The following SUB1 variants were observed in gnomAD, a reference collection of about 807,000 sequenced individuals.
The protein encoded by SUB1 is SUB1 regulator of transcription, also known as activated RNA polymerase II transcriptional coactivator p15.
Under a neutral mutation model 16.9 loss-of-function variants are expected in SUB1, and 1 was observed. The ratio of observed to expected loss-of-function variants is 0.06; its 90% confidence interval spans 0.02 to 0.28. The LOEUF (loss-of-function observed/expected upper bound fraction) is 0.28. SUB1 is among the 10% of genes least tolerant of loss of function. The pLI is 1.00. For synonymous variants in SUB1, 51 were observed against 46.9 expected, an observed-to-expected ratio of 1.09 and a Z score of -0.36; for missense variants, 84 against 145.2, an observed-to-expected ratio of 0.58 and a Z score of 2.16.
In SUB1 at chr5:32,601,355, A is replaced by G. The variant is rs767669622; in HGVS notation, c.*271A>G. ...TTAACTGTTGTGGCCTTTTTTGATC[A>G]TAAGAGTTGGTACTGTTTAAGGCCA... On this transcript the variant is annotated 3_prime_UTR_variant, in exon 5 of 5. Transcript: ENST00000265073. 8.6e-6 allele frequency: 3 copies of G among 350,812 alleles called. No individual in the cohort carries two copies. Among genetic ancestry groups the G allele is most frequent in the Admixed American group, 4.7e-5 (1 of 21,198 alleles). 21.7% of individuals were successfully genotyped at this position (350,812 alleles called of 1,614,324 possible). A position where few individuals can be genotyped will look rare whatever the true frequency, so the allele number is the denominator to read the frequency against.
At chr5:32,595,284 G>A (rs1037833922) in intron 3 of SUB1, 25 of 151,966 alleles carry the variant, frequency 1.6e-4, no homozygotes, top group African/African-American at 6.0e-4. Context: ...AAATGTACAC[G>A]CCTTTGTGGC....
intron 1 of SUB1, among the ~76,000 whole-genome samples, chr5:32,587,581 A>T (rs945074986): frequency 6.6e-5 from 10 of 152,160 alleles, no homozygotes; most frequent in Non-Finnish European, 1.0e-4. Context: ...AAATCTGTGT[A>T]AAATGTAATG....
chr5:32,591,005 G>A (rs1686938607), intron 2 of SUB1, among the ~76,000 whole-genome samples: 1 of 151,906 alleles, frequency 6.6e-6, no homozygotes, highest in Non-Finnish European at 1.5e-5. Context: ...CTGACCTCAA[G>A]TGATCCTCCC....
chr5:32,596,495 T>C (rs1412364239), intron 3 of SUB1: 5 of 152,210 alleles, frequency 3.3e-5, no homozygotes, highest in Non-Finnish European at 7.3e-5. Context: ...TGCCAGTGTT[T>C]TTTCCTAGAA....
Position 32,591,698 on chromosome 5 carries a change from ATTTTTTT to A in SUB1, c.195+27_195+33del, listed in dbSNP as rs567336710. ...TAACATGTTTCAGGTAAAGTTGGCT[ATTTTTTT>A]TTTTTTTTTTTTTGACATGGAGTCA... is the stretch of plus-strand genomic sequence containing the variant. On this transcript the variant is annotated intron_variant, in intron 3 of 4. Coordinates refer to ENST00000265073, the MANE Select transcript of SUB1 (RefSeq NM_006713.4). The A allele has an allele frequency of 1.6e-4, 228 of 1,384,582 alleles. No homozygotes were observed. Among genetic ancestry groups the A allele is most frequent in the Non-Finnish European group, 1.9e-4 (203 of 1,067,080 alleles). The allele number at this position is 1,384,582 out of a possible 1,614,324, so 85.8% of individuals were successfully genotyped here. A position where few individuals can be genotyped will look rare whatever the true frequency, so the allele number is the denominator to read the frequency against.
chr5:32,591,828 T>G, intron 3 of SUB1, 143 bp downstream of exon 3: 3 of 995,186 alleles, frequency 3.0e-6, no homozygotes, highest in Non-Finnish European at 4.1e-6. Context: ...GCCTCCCGAG[T>G]AGCTAGGATT....
chr5:32,596,804 A>G (rs1330966752), intron 3 of SUB1: 1 of 151,990 alleles, frequency 6.6e-6, no homozygotes, highest in Non-Finnish European at 1.5e-5. Flanking sequence ...CCCTTACTAT[A>G]TTATAGTGAG....
At chr5:32,592,625 A>ATG (rs1738857934) in intron 3 of SUB1, among the ~76,000 whole-genome samples, 1 of 152,216 alleles carries the variant, frequency 6.6e-6, no homozygotes, top group African/African-American at 2.4e-5. Flanking sequence ...AGAAGAAATT[A>ATG]TGCCAATTAC....
intron 3 of SUB1, among the ~76,000 whole-genome samples, chr5:32,592,042 T>G (rs1445252094): frequency 6.6e-6 from 1 of 152,256 alleles, no homozygotes. Flanking sequence ...TTATCTGGCT[T>G]GATCTGAAGA....
Position 32,588,573 on chromosome 5 carries a change from G to T in SUB1, c.61G>T (p.Val21Phe). The T allele has an allele frequency of 6.2e-7, 1 of 1,613,156 alleles. No homozygotes were observed. The highest frequency in any genetic ancestry group is 8.5e-7 in the Non-Finnish European group (1 of 1,179,444). Reference protein sequence around the residue: ...SSSGSDSDSEVDKKLKRKKQV... With the variant: ...SSSGSDSDSEFDKKLKRKKQV... ...TTCTGGCAGTGATTCTGACAGTGAGGTTGACAAAAAGGTGACTACTGCTGC... is the reference window on the plus strand; with the variant it reads ...TTCTGGCAGTGATTCTGACAGTGAGTTTGACAAAAAGGTGACTACTGCTGC... The change falls in exon 2 of 5, where the codon GTT becomes TTT. Residue 21 changes from valine (V) to phenylalanine (F), a missense_variant. Transcript: ENST00000265073.
intron 2 of SUB1, among the ~76,000 whole-genome samples, chr5:32,589,525 C>T (rs929821444): frequency 6.6e-6 from 1 of 152,158 alleles, no homozygotes; most frequent in African/African-American, 2.4e-5. Context: ...TAAATCAGCA[C>T]GCAGTAAAGC....
At chr5:32,600,715 T>C (rs1002915683) in intron 4 of SUB1, among the ~76,000 whole-genome samples, 1 of 152,056 alleles carries the variant, frequency 6.6e-6, no homozygotes, top group African/African-American at 2.4e-5. Context: ...GCAATTCTCC[T>C]GTCTCAGCCT....
At chr5:32,599,265 A>C (rs1286336976) in intron 4 of SUB1, among the ~76,000 whole-genome samples, 196 bp downstream of exon 4, 1 of 152,234 alleles carries the variant, frequency 6.6e-6, no homozygotes, top group Non-Finnish European at 1.5e-5. Flanking sequence ...GCTTTTGGGA[A>C]TAAAACCCAG....
In SUB1 at chr5:32,601,431, A is replaced by C; in HGVS notation, c.*347A>C. On this transcript the variant is annotated 3_prime_UTR_variant, in exon 5 of 5. Coordinates refer to ENST00000265073, the MANE Select transcript of SUB1 (RefSeq NM_006713.4). ...TAGTTTCAACTCAGCTTTTACAATA[A>C]AAAGGATTTGTATTGCATTGAGTTT... The C allele has an allele frequency of 5.4e-6, 1 of 183,496 alleles. No individual in the cohort carries two copies. Among genetic ancestry groups the C allele is most frequent in the South Asian group, 1.2e-4 (1 of 8,060 alleles). The allele number at this position is 183,496 out of a possible 1,614,324, so 11.4% of individuals were successfully genotyped here.
chr5:32,592,060 A>C (rs1249642839), intron 3 of SUB1, among the ~76,000 whole-genome samples: 1 of 152,210 alleles, frequency 6.6e-6, no homozygotes, highest in African/African-American at 2.4e-5. Flanking sequence ...AGAATGTTAA[A>C]AGTACTATGA....
At chr5:32,588,834 AAAAT>A (rs1738742892) in intron 2 of SUB1, among the ~76,000 whole-genome samples, 1 of 152,154 alleles carries the variant, frequency 6.6e-6, no homozygotes, top group Non-Finnish European at 1.5e-5. Flanking sequence ...TAAAAAATAA[AAAAT>A]AAGAATGTGA....
intron 3 of SUB1, chr5:32,597,785 A>G (rs1013526853): frequency 2.0e-5 from 3 of 152,232 alleles, no homozygotes; most frequent in African/African-American, 7.2e-5. Flanking sequence ...CCTTAACAGT[A>G]ACATAAACAG....
chr5:32,592,725 G>A (rs1738861173), intron 3 of SUB1, among the ~76,000 whole-genome samples: 2 of 152,230 alleles, frequency 1.3e-5, no homozygotes, highest in Admixed American at 1.3e-4. Context: ...AAAAAAAATG[G>A]TGTTGCTTCT....
Position 32,591,761 on chromosome 5 carries a change from C to T in SUB1, c.195+76C>T, listed in dbSNP as rs1302499219. On this transcript the variant is annotated intron_variant, in intron 3 of 4. Transcript: ENST00000265073. ...TGTCACCCAGGCTGGAGTGCAGTGG[C>T]GCCATCTCGGCTCACTGCAACCTCA... 2.2e-5 allele frequency: 32 copies of T among 1,425,800 alleles called. No homozygotes were observed. In the Middle Eastern group the frequency reaches 7.0e-4, roughly 31 times the overall value. The allele number at this position is 1,425,800 out of a possible 1,614,324, so 88.3% of individuals were successfully genotyped here. A position where few individuals can be genotyped will look rare whatever the true frequency, so the allele number is the denominator to read the frequency against.
Sources: allele counts gnomAD v4.1 joint callset (sites outside exome capture counted in the v4.1 genomes callset), GRCh38; gene constraint gnomAD v4.1.1; transcripts MANE v1.5; gene names NCBI Gene and HGNC (gene_info 2026-07-23, HGNC 2026-07-21).